The following CCDC91 variants were observed in gnomAD, a reference collection of about 807,000 sequenced individuals.
CCDC91 encodes coiled-coil domain containing 91, also known as coiled-coil domain-containing protein 91.
CCDC91 carries 48 observed loss-of-function variants against 63.2 expected under a neutral mutation model. The ratio of observed to expected loss-of-function variants is 0.76; its 90% CI spans 0.60 to 0.97. The LOEUF is 0.97. Among genes scored for constraint, CCDC91 ranks in the 50% least tolerant of loss-of-function variants. The probability of loss-of-function intolerance (pLI) is 0.00; values close to 1 mark genes in which losing one functional copy is unlikely to be tolerated. For missense variants in CCDC91, 500 were observed against 494.6 expected (o/e 1.01, Z -0.10); for synonymous variants, 167 against 165.8 (o/e 1.01, Z -0.06).
intron 12 of CCDC91, among the ~76,000 whole-genome samples, chr12:28,543,354 T>C (rs1357317818): frequency 6.6e-6 from 1 of 152,086 alleles, no homozygotes; most frequent in African/African-American, 2.4e-5. Context: ...TCTTACAAGA[T>C]CATGTGCTAG....
intron 1 of CCDC91, among the ~76,000 whole-genome samples, chr12:28,200,538 C>T (rs1325154746): frequency 4.5e-4 from 66 of 145,254 alleles, no homozygotes; most frequent in African/African-American, 1.5e-3. Context: ...CATCTTGCAC[C>T]GCCCTTAATC....
intron 8 of CCDC91, among the ~76,000 whole-genome samples, chr12:28,427,478 A>G (rs951319219): frequency 6.6e-6 from 1 of 152,086 alleles, no homozygotes; most frequent in African/African-American, 2.4e-5. Context: ...GAGAGCAACT[A>G]ACCCCCCGAC....
At chr12:28,249,934 G>T (rs527408101) in intron 1 of CCDC91, among the ~76,000 whole-genome samples, 2 of 152,206 alleles carry the variant, frequency 1.3e-5, no homozygotes, top group Non-Finnish European at 2.9e-5. Flanking sequence ...GGATAGCCCT[G>T]TAAAAATGTT....
intron 12 of CCDC91, among the ~76,000 whole-genome samples, chr12:28,503,662 G>A (rs374393971): frequency 2.3e-4 from 35 of 152,014 alleles, no homozygotes; most frequent in African/African-American, 8.2e-4. Flanking sequence ...ACTATTCACA[G>A]TAGCAAAGAC....
At chr12:28,259,464 GGTTTTT>G in intron 3 of CCDC91, 22 bp downstream of exon 3, 9 of 1,094,892 alleles carry the variant, frequency 8.2e-6, no homozygotes, top group Admixed American at 2.3e-5. Context: ...CAGGAATTAG[GGTTTTT>G]TTTTTTTTTT....
chr12:28,424,642 G>A (rs1948206385), intron 8 of CCDC91, among the ~76,000 whole-genome samples: 2 of 152,020 alleles, frequency 1.3e-5, no homozygotes, highest in South Asian at 4.2e-4. Flanking sequence ...TGAGGGATGT[G>A]TCATATTAAT....
At chr12:28,378,038 A>G (rs1164723746) in intron 7 of CCDC91, among the ~76,000 whole-genome samples, 2 of 151,988 alleles carry the variant, frequency 1.3e-5, no homozygotes, top group East Asian at 3.9e-4. Context: ...ATATTAGGGT[A>G]TTGAATTAGG....
At chr12:28,212,498 C>G (rs1255852315) in intron 1 of CCDC91, among the ~76,000 whole-genome samples, 1 of 152,236 alleles carries the variant, frequency 6.6e-6, no homozygotes, top group Non-Finnish European at 1.5e-5. Flanking sequence ...TTGGCCAAGA[C>G]TCAGCTCTTT....
intron 2 of CCDC91, among the ~76,000 whole-genome samples, chr12:28,259,071 A>C (rs556530913): frequency 6.6e-6 from 1 of 152,098 alleles, no homozygotes; most frequent in African/African-American, 2.4e-5. Flanking sequence ...TTAAATATAA[A>C]GTTTACAAGT....
At chr12:28,507,065 T>C (rs1339886844) in intron 12 of CCDC91, among the ~76,000 whole-genome samples, 1 of 151,950 alleles carries the variant, frequency 6.6e-6, no homozygotes, top group Admixed American at 6.6e-5. Flanking sequence ...CAGTGAATGA[T>C]TTGAATATCT....
chr12:28,352,528 A>G (rs765725554), intron 6 of CCDC91, among the ~76,000 whole-genome samples: 2 of 152,200 alleles, frequency 1.3e-5, no homozygotes, highest in Non-Finnish European at 2.9e-5. Flanking sequence ...AGTAGATTCC[A>G]TCTCAAGAAA....
chr12:28,425,258 T>G (rs910109244), intron 8 of CCDC91, among the ~76,000 whole-genome samples: 2 of 152,142 alleles, frequency 1.3e-5, no homozygotes, highest in African/African-American at 2.4e-5. Context: ...CCCCTAGTTC[T>G]CTTTATCTGA....
intron 11 of CCDC91, among the ~76,000 whole-genome samples, chr12:28,482,753 T>C (rs981513031): frequency 6.6e-6 from 1 of 151,906 alleles, no homozygotes; most frequent in African/African-American, 2.4e-5. Context: ...TTAAATCCTT[T>C]GGCCAAAAAT....
chr12:28,481,212 C>T (rs1473278391), intron 11 of CCDC91, among the ~76,000 whole-genome samples: 3 of 151,884 alleles, frequency 2.0e-5, no homozygotes, highest in Admixed American at 1.3e-4. Flanking sequence ...TACAGCATAA[C>T]ATATGTGCAA....
intron 6 of CCDC91, among the ~76,000 whole-genome samples, chr12:28,319,125 CAGTT>C (rs1351440915): frequency 2.6e-5 from 4 of 151,742 alleles, no homozygotes; most frequent in Admixed American, 6.6e-5. Context: ...AATTTGTAAA[CAGTT>C]AGTTTGGAAA....
chr12:28,446,022 C>G (rs560325067), intron 8 of CCDC91, among the ~76,000 whole-genome samples: 1 of 151,904 alleles, frequency 6.6e-6, no homozygotes, highest in Non-Finnish European at 1.5e-5. Context: ...GAAATCAAAG[C>G]AGATAATCTC....
chr12:28,200,283 T>C (rs1235112585), intron 1 of CCDC91, among the ~76,000 whole-genome samples: 3 of 151,194 alleles, frequency 2.0e-5, no homozygotes, highest in African/African-American at 7.2e-5. Context: ...TTTCTTTTTA[T>C]TTATTTATTT....
At chr12:28,514,833 T>G (rs186603103) in intron 12 of CCDC91, among the ~76,000 whole-genome samples, 2 of 151,894 alleles carry the variant, frequency 1.3e-5, no homozygotes, top group Admixed American at 1.3e-4. Flanking sequence ...CTCTATTCTG[T>G]TTCTTTGGAA....
chr12:28,213,888 G>A (rs1943396682), intron 1 of CCDC91, among the ~76,000 whole-genome samples: 1 of 152,150 alleles, frequency 6.6e-6, no homozygotes, highest in African/African-American at 2.4e-5. Context: ...CAGCTTGGTG[G>A]CAGTGCCTTG....
Sources: allele counts gnomAD v4.1 joint callset (sites outside exome capture counted in the v4.1 genomes callset), GRCh38; gene constraint gnomAD v4.1.1; transcripts MANE v1.5; gene names NCBI Gene and HGNC (gene_info 2026-07-23, HGNC 2026-07-21).